LARGE1: variants seen among roughly 807,000 people sequenced by gnomAD.
LARGE1 encodes xylosyl- and glucuronyltransferase LARGE1.
In LARGE1, 43 loss-of-function variants were observed where a neutral mutation model predicts 87.6. The ratio of observed to expected loss-of-function variants is 0.49; its 90% CI spans 0.38 to 0.63. The LOEUF is 0.63. Among genes scored for constraint, LARGE1 ranks in the 30% least tolerant of loss-of-function variants. The probability of loss-of-function intolerance (pLI) is 0.00; values close to 1 mark genes in which losing one functional copy is unlikely to be tolerated. For missense variants in LARGE1, 802 were observed against 1,000.2 expected (o/e 0.80, Z 2.67); for synonymous variants, 434 against 394.6 (o/e 1.10, Z -1.18).
intron 1 of LARGE1, among the ~76,000 whole-genome samples, chr22:33,849,971 C>A (rs906427737): frequency 6.6e-6 from 1 of 152,020 alleles, no homozygotes; most frequent in Non-Finnish European, 1.5e-5. Flanking sequence ...CGAGGAAATA[C>A]AAAGGGATGG....
intron 6 of LARGE1, among the ~76,000 whole-genome samples, chr22:33,458,939 C>T (rs2068252568): frequency 6.6e-6 from 1 of 151,956 alleles, no homozygotes; most frequent in Non-Finnish European, 1.5e-5. Flanking sequence ...CCACTAGATA[C>T]CAGGTATAGT....
chr22:33,614,479 G>A (rs142723976), intron 4 of LARGE1, among the ~76,000 whole-genome samples: 3 of 151,850 alleles, frequency 2.0e-5, no homozygotes, highest in South Asian at 2.1e-4. Flanking sequence ...CCAGCCTCTC[G>A]CATGGAGCAA....
At position 33,626,306 on chromosome 22, in the gene LARGE1, G is replaced by A; in HGVS notation, c.429C>T (p.Val143=). 2 of 1,614,050 alleles carry A rather than the reference G, an allele frequency of 1.2e-6. No homozygotes were observed. The highest frequency in any genetic ancestry group is 2.2e-5 in the South Asian group (2 of 91,074). ...CCCGGCTGGCATTGTATCCGGCGCA[G>A]ACAATAGCAACGTGGATTGTCTGGG... ...EKCETIHVAI[V]CAGYNASRDV... Residue 143 remains valine, a synonymous_variant, in exon 4 of 15, where the codon GTC becomes GTT. Transcript: ENST00000397394.
At chr22:33,864,427 G>A (rs1000506502) in intron 1 of LARGE1, among the ~76,000 whole-genome samples, 1 of 152,214 alleles carries the variant, frequency 6.6e-6, no homozygotes, top group Non-Finnish European at 1.5e-5. Context: ...AGAAACCAAT[G>A]CTGGCTTCGT....
chr22:33,267,464 G>A (rs763938820), intron 11 of LARGE1, among the ~76,000 whole-genome samples: 2 of 151,606 alleles, frequency 1.3e-5, no homozygotes, highest in Non-Finnish European at 2.9e-5. Flanking sequence ...AATTAGACAT[G>A]GGTTATGTTC....
chr22:33,267,097 G>A (rs537620104), intron 11 of LARGE1, among the ~76,000 whole-genome samples: 43 of 151,588 alleles, frequency 2.8e-4, no homozygotes, highest in South Asian at 6.2e-4. Context: ...AAAATTAGCC[G>A]GGTGTGGTGG....
intron 1 of LARGE1, among the ~76,000 whole-genome samples, chr22:33,875,994 G>C (rs1272826907): frequency 6.6e-6 from 1 of 152,174 alleles, no homozygotes; most frequent in Non-Finnish European, 1.5e-5. Flanking sequence ...TCAGTCCAAA[G>C]ATCTCAACCT....
chr22:33,670,407 A>G (rs137994531), intron 2 of LARGE1, among the ~76,000 whole-genome samples: 1 of 151,836 alleles, frequency 6.6e-6, no homozygotes, highest in Non-Finnish European at 1.5e-5. Flanking sequence ...TAGAAAGGTG[A>G]GCACCAAGAC....
intron 5 of LARGE1, among the ~76,000 whole-genome samples, chr22:33,601,759 A>G (rs1475359290): frequency 6.6e-6 from 1 of 152,204 alleles, no homozygotes; most frequent in Non-Finnish European, 1.5e-5. Context: ...ACAGGACTCT[A>G]GAGACAATAT....
intron 6 of LARGE1, among the ~76,000 whole-genome samples, chr22:33,544,104 T>C (rs1193516773): frequency 1.3e-5 from 2 of 152,192 alleles, no homozygotes; most frequent in African/African-American, 4.8e-5. Flanking sequence ...TCACAACGTA[T>C]TGTTGGGGGA....
At chr22:33,166,913 G>C (rs1282217084) in intron 11 of LARGE1, 1 of 466,752 alleles carries the variant, frequency 2.1e-6, no homozygotes, top group East Asian at 7.0e-5. Context: ...TACTGGCTAA[G>C]AGTAACCACA....
At chr22:33,343,140 G>T (rs1397215996) in intron 9 of LARGE1, among the ~76,000 whole-genome samples, 1 of 152,042 alleles carries the variant, frequency 6.6e-6, no homozygotes, top group Non-Finnish European at 1.5e-5. Context: ...TTTGTTTGTT[G>T]TTTTAGAGAC....
intron 11 of LARGE1, among the ~76,000 whole-genome samples, chr22:33,251,290 C>T (rs1448910985): frequency 5.3e-5 from 8 of 152,194 alleles, no homozygotes; most frequent in African/African-American, 1.9e-4. Context: ...CTTCTTTACT[C>T]CTGATGGCTC....
chr22:33,584,319 G>A (rs2078605230), intron 5 of LARGE1, among the ~76,000 whole-genome samples: 1 of 152,086 alleles, frequency 6.6e-6, no homozygotes, highest in Admixed American at 6.6e-5. Context: ...CGACAATGAT[G>A]TACCTAGCAT....
At chr22:33,613,250 A>G (rs1038647671) in intron 4 of LARGE1, among the ~76,000 whole-genome samples, 45 of 152,182 alleles carry the variant, frequency 3.0e-4, no homozygotes, top group African/African-American at 1.1e-3. Flanking sequence ...GGGTACCATC[A>G]TAAGAATTTG....
chr22:33,436,372 C>G (rs2067272010), intron 6 of LARGE1, among the ~76,000 whole-genome samples: 1 of 152,180 alleles, frequency 6.6e-6, no homozygotes, highest in Non-Finnish European at 1.5e-5. Context: ...TGGAGGTCAT[C>G]CAGCACAACC....
At chr22:33,388,943 C>T (rs1164868035) in intron 7 of LARGE1, among the ~76,000 whole-genome samples, 1 of 152,146 alleles carries the variant, frequency 6.6e-6, no homozygotes, top group Non-Finnish European at 1.5e-5. Flanking sequence ...CTTTGCCAGG[C>T]CCTTTTGTGG....
intron 7 of LARGE1, among the ~76,000 whole-genome samples, chr22:33,419,766 C>T (rs2066628631): frequency 6.6e-6 from 1 of 152,206 alleles, no homozygotes; most frequent in Non-Finnish European, 1.5e-5. Flanking sequence ...TCTCAGCTCA[C>T]TGCAGCCTCT....
intron 7 of LARGE1, among the ~76,000 whole-genome samples, chr22:33,421,212 AT>A: frequency 5.4e-5 from 3 of 55,534 alleles, no homozygotes; most frequent in Non-Finnish European, 1.2e-4. Context: ...ATAAAATAAA[AT>A]CAATCAATCA....
Sources: allele counts gnomAD v4.1 joint callset (sites outside exome capture counted in the v4.1 genomes callset), GRCh38; gene constraint gnomAD v4.1.1; transcripts MANE v1.5; gene names NCBI Gene and HGNC (gene_info 2026-07-23, HGNC 2026-07-21).